The following CCPG1 variants were observed in gnomAD, a reference collection of about 807,000 sequenced individuals.
CCPG1 encodes the protein cell cycle progression 1.
A neutral mutation model predicts 81.3 loss-of-function variants in CCPG1; 46 were observed. That is an observed-to-expected ratio of 0.57 (90% CI 0.45 to 0.72). CCPG1 has a LOEUF of 0.72. Among genes scored for constraint, CCPG1 ranks in the 30% least tolerant of loss-of-function variants. CCPG1 has a pLI of 0.00. For synonymous variants in CCPG1, 330 were observed against 305.2 expected (o/e 1.08, Z -0.85); for missense variants, 902 against 937.6 (o/e 0.96, Z 0.50).
At chr15:55,377,486 G>A (rs2056590551) in intron 4 of CCPG1, among the ~76,000 whole-genome samples, 1 of 152,204 alleles carries the variant, frequency 6.6e-6, no homozygotes, top group Non-Finnish European at 1.5e-5. Flanking sequence ...CAACTCTGTA[G>A]TGTGGAAGCC....
intron 3 of CCPG1, among the ~76,000 whole-genome samples, chr15:55,383,459 C>A (rs994263500): frequency 1.3e-5 from 2 of 152,212 alleles, no homozygotes; most frequent in Admixed American, 6.5e-5. Flanking sequence ...TCACCAGCTA[C>A]ATTTGCCTCT....
intron 6 of CCPG1, among the ~76,000 whole-genome samples, chr15:55,366,153 T>C (rs2056322715): frequency 6.6e-6 from 1 of 152,200 alleles, no homozygotes; most frequent in South Asian, 2.1e-4. Flanking sequence ...GAACAATTTA[T>C]GTAATGTTCT....
intron 7 of CCPG1, among the ~76,000 whole-genome samples, chr15:55,361,597 T>C (rs1250672720): frequency 1.3e-5 from 2 of 151,380 alleles, no homozygotes; most frequent in Non-Finnish European, 2.9e-5. Context: ...TCCCAGCTAC[T>C]TGGGAGGATG....
chr15:55,380,049 G>A (rs1457960058), intron 3 of CCPG1, among the ~76,000 whole-genome samples: 6 of 148,862 alleles, frequency 4.0e-5, no homozygotes, highest in South Asian at 2.1e-4. Context: ...GCAGTGAGCC[G>A]AGATCATGCC....
At chr15:55,399,950 T>C (rs1384244395) in intron 1 of CCPG1, 7 of 150,652 alleles carry the variant, frequency 4.6e-5, no homozygotes, top group Admixed American at 4.0e-4. Context: ...AACAAATTAG[T>C]AGGGCGTGGT....
At chr15:55,396,429 T>C (rs2057018862) in intron 1 of CCPG1, among the ~76,000 whole-genome samples, 1 of 152,214 alleles carries the variant, frequency 6.6e-6, no homozygotes, top group Non-Finnish European at 1.5e-5. Context: ...ACTCGATCTC[T>C]AGTCATATAT....
intron 8 of CCPG1, chr15:55,358,619 CTA>C: frequency 2.0e-6 from 2 of 985,388 alleles, no homozygotes; most frequent in Non-Finnish European, 2.4e-6. Flanking sequence ...ACTTTAAAAA[CTA>C]AGTTCAGTTC....
At chr15:55,368,611 G>C (rs2056381017) in intron 6 of CCPG1, among the ~76,000 whole-genome samples, 1 of 152,166 alleles carries the variant, frequency 6.6e-6, no homozygotes, top group Admixed American at 6.5e-5. Flanking sequence ...GCAAATGTAA[G>C]AATAAGAAAG....
Position 55,394,066 on chromosome 15 carries a change from C to T in CCPG1, c.-9-4633G>A, listed in dbSNP as rs2056972869. ...GAACCTGGACACCCTCCACCAGTAA[C>T]ACAGCCTCAAACTCCCAGGTTCAAG... On this transcript the variant is annotated intron_variant, in intron 1 of 8. Transcript: ENST00000442196. Among the ~76,000 whole-genome samples, 3 of 152,176 alleles carry T rather than the reference C, an allele frequency of 2.0e-5. No homozygotes were observed. The South Asian group carries it at 6.2e-4, about 32-fold the overall frequency.
chr15:55,363,305 T>TG (rs2056244104), intron 7 of CCPG1, among the ~76,000 whole-genome samples: 1 of 145,226 alleles, frequency 6.9e-6, no homozygotes, highest in South Asian at 2.2e-4. Context: ...GCTGAGATCA[T>TG]GCCACTGCAC....
chr15:55,404,335 T>G (rs2057177325), intron 1 of CCPG1, among the ~76,000 whole-genome samples: 1 of 152,002 alleles, frequency 6.6e-6, no homozygotes, highest in Non-Finnish European at 1.5e-5. Flanking sequence ...TAAGGGCTGA[T>G]AGTAGCCAAA....
intron 1 of CCPG1, among the ~76,000 whole-genome samples, chr15:55,392,192 T>C (rs2141322960): frequency 6.7e-6 from 1 of 149,894 alleles, no homozygotes; most frequent in East Asian, 2.0e-4. Flanking sequence ...ACAAATATAG[T>C]TTAAAAGATC....
At chr15:55,371,498 C>T (rs1330077284) in intron 6 of CCPG1, among the ~76,000 whole-genome samples, 1 of 152,208 alleles carries the variant, frequency 6.6e-6, no homozygotes, top group African/African-American at 2.4e-5. Context: ...TGATTTGCCT[C>T]ATGGTGAGCA....
chr15:55,404,475 A>G (rs1305925882), intron 1 of CCPG1, among the ~76,000 whole-genome samples: 1 of 152,274 alleles, frequency 6.6e-6, no homozygotes, highest in Non-Finnish European at 1.5e-5. Context: ...AACAAAAAAT[A>G]AAAACAAAAA....
At chr15:55,384,277 G>A (rs1223154076) in intron 3 of CCPG1, among the ~76,000 whole-genome samples, 2 of 152,192 alleles carry the variant, frequency 1.3e-5, no homozygotes, top group Non-Finnish European at 2.9e-5. Context: ...ACGGTTCATG[G>A]TGTCCCAAAG....
chr15:55,400,418 G>T (rs749063582), intron 1 of CCPG1, among the ~76,000 whole-genome samples: 6 of 151,778 alleles, frequency 4.0e-5, no homozygotes, highest in Non-Finnish European at 1.5e-5. Context: ...TGAGGCAGAA[G>T]AATCGCTTGA....
chr15:55,355,597 T>C lies in CCPG1; in HGVS notation c.*623A>G. 2.0e-6 allele frequency: 1 copy of C among 496,334 alleles called. No individual in the cohort carries two copies. 30.7% of individuals were successfully genotyped at this position (496,334 alleles called of 1,614,324 possible). A position where few individuals can be genotyped will look rare whatever the true frequency, so the allele number is the denominator to read the frequency against. ...GTATAAAATACCACATAGTATAAAA[T>C]TACATGTTAATACAATGCCAGATTT... On this transcript the variant is annotated 3_prime_UTR_variant, in exon 9 of 9. Coordinates refer to ENST00000442196, the MANE Select transcript of CCPG1 (RefSeq NM_001204450.2).
At chr15:55,373,115 C>T in intron 5 of CCPG1, 2 of 453,692 alleles carry the variant, frequency 4.4e-6, no homozygotes, top group South Asian at 3.4e-5. Flanking sequence ...GGAAAATTTG[C>T]ACAAGAAATC....
rs116037872 is a variant in CCPG1, at chr15:55,356,377, A to G, written c.2267T>C (p.Ile756Thr). ...RPDKKQRMVN[I>T]ENSRHRKQEQ... ...TTGTTTTCGATGCCTGGAGTTTTCA[A>G]TATTTACCATACGTTGCTTTTTATC... The change falls in exon 9 of 9, where the codon ATT becomes ACT. Residue 756 changes from isoleucine to threonine, a missense_variant. Transcript: ENST00000442196. The G allele has an allele frequency of 2.7e-3, 4,072 of 1,534,418 alleles. 32 individuals are homozygous for G. Among genetic ancestry groups the G allele is most frequent in the African/African-American group, 0.025 (1,795 of 73,094 alleles).
Sources: allele counts gnomAD v4.1 joint callset (sites outside exome capture counted in the v4.1 genomes callset), GRCh38; gene constraint gnomAD v4.1.1; transcripts MANE v1.5; gene names NCBI Gene and HGNC (gene_info 2026-07-23, HGNC 2026-07-21).